ABCC1: variants seen among roughly 807,000 people sequenced by gnomAD.
The protein encoded by ABCC1 is multidrug resistance-associated protein 1.
ABCC1 carries 83 observed loss-of-function variants against 172.9 expected under a neutral mutation model. The ratio of observed to expected loss-of-function variants is 0.48; its 90% confidence interval spans 0.40 to 0.58. ABCC1 has a LOEUF of 0.58. Among genes scored for constraint, ABCC1 ranks in the 20% least tolerant of loss-of-function variants. ABCC1 has a pLI of 0.00. For missense variants in ABCC1, 1,817 were observed against 2,002.7 expected (o/e 0.91, Z 1.77); for synonymous variants, 937 against 825.2 (o/e 1.14, Z -2.32).
intron 10 of ABCC1, among the ~76,000 whole-genome samples, chr16:16,048,550 G>T (rs1415175152): frequency 6.6e-6 from 1 of 152,174 alleles, no homozygotes; most frequent in Non-Finnish European, 1.5e-5. Flanking sequence ...GACAGTGTCA[G>T]TAATTAACTA....
At chr16:16,110,030 G>A (rs998718628) in intron 21 of ABCC1, among the ~76,000 whole-genome samples, 5 of 151,880 alleles carry the variant, frequency 3.3e-5, no homozygotes, top group African/African-American at 1.2e-4. Context: ...GATGCACTGT[G>A]TTCCCTCCTA....
rs10673887 is a variant in ABCC1 at position 16,124,377 on chromosome 16, CTGTG to C, written c.3591-382_3591-379del. 4.9e-3 allele frequency among the ~76,000 whole-genome samples: 221 copies of C among 44,838 alleles called. 2 individuals are homozygous for C. The highest frequency in any genetic ancestry group is 0.019 in the South Asian group (22 of 1,166). 29.4% of individuals were successfully genotyped at this position (44,838 alleles called of 152,430 possible). On this transcript the variant is annotated intron_variant, in intron 24 of 30. Transcript: ENST00000399410. ...TATAGGAGTGACCCACTACGCCCGG[CTGTG>C]TGTGTGTGTGTGTGTGTGTGTGTGT...
Position 15,991,875 on chromosome 16 carries a change from G to T in ABCC1, c.49-15941G>T, listed in dbSNP as rs568874629. ...ATCTCCCCTAGGATCTTCTCCTAGG[G>T]TCTCTTAATACAGGGGTCCCCAATC... On this transcript the variant is annotated intron_variant, in intron 1 of 30. Coordinates refer to ENST00000399410, the MANE Select transcript of ABCC1 (RefSeq NM_004996.4). 4.3e-4 allele frequency among the ~76,000 whole-genome samples: 66 copies of T among 152,156 alleles called. 3 individuals carry two copies. The South Asian group carries it at 0.013, about 30-fold the overall frequency.
chr16:16,061,486 G>A (rs2049909541), intron 12 of ABCC1, among the ~76,000 whole-genome samples: 1 of 152,148 alleles, frequency 6.6e-6, no homozygotes. Flanking sequence ...ATAGAAAATG[G>A]CTCCAGGCAT....
intron 6 of ABCC1, 114 bp downstream of exon 6, chr16:16,033,284 TG>T: frequency 9.5e-7 from 1 of 1,055,204 alleles, no homozygotes; most frequent in Non-Finnish European, 1.4e-6. Context: ...TTTGCTCTTC[TG>T]CAGAGTTGTC....
chr16:16,100,665 C>T (rs970423769), intron 19 of ABCC1, among the ~76,000 whole-genome samples: 2 of 152,330 alleles, frequency 1.3e-5, no homozygotes, highest in Non-Finnish European at 2.9e-5. Flanking sequence ...CTGGCTGTGC[C>T]TAGAATTCTC....
intron 28 of ABCC1, 110 bp from the exon 29 acceptor site, chr16:16,136,368 G>A (rs1257352822): frequency 4.2e-6 from 5 of 1,202,736 alleles, no homozygotes; most frequent in African/African-American, 3.1e-5. Context: ...ATTCCAAGGA[G>A]CTCTGATACC....
At chr16:15,971,298 A>G (rs553307955) in intron 1 of ABCC1, among the ~76,000 whole-genome samples, 48 of 152,238 alleles carry the variant, frequency 3.2e-4, no homozygotes, top group African/African-American at 8.7e-4. Context: ...TGATCTGCAC[A>G]CTTGGGGAGG....
At chr16:16,064,262 G>GCGAA (rs1181163848) in intron 12 of ABCC1, among the ~76,000 whole-genome samples, 1 of 152,124 alleles carries the variant, frequency 6.6e-6, no homozygotes, top group Non-Finnish European at 1.5e-5. Context: ...CTATTACAAG[G>GCGAA]CGAACTCCAG....
At chr16:16,082,998 G>A (rs1010216380) in intron 16 of ABCC1, among the ~76,000 whole-genome samples, 33 of 152,144 alleles carry the variant, frequency 2.2e-4, no homozygotes, top group African/African-American at 3.1e-4. Context: ...TGCGTCCACC[G>A]TAACTGTAAT....
At chr16:15,979,269 G>A (rs2046563474) in intron 1 of ABCC1, among the ~76,000 whole-genome samples, 2 of 151,774 alleles carry the variant, frequency 1.3e-5, no homozygotes, top group South Asian at 4.1e-4. Flanking sequence ...CCAGCCTGGA[G>A]ACAGAGCAAG....
intron 12 of ABCC1, among the ~76,000 whole-genome samples, chr16:16,058,188 G>C (rs1181335142): frequency 6.6e-6 from 1 of 152,148 alleles, no homozygotes; most frequent in Non-Finnish European, 1.5e-5. Flanking sequence ...CCGCAAATCA[G>C]GAGACCATAC....
At chr16:16,115,267 A>G (rs942722066) in intron 23 of ABCC1, among the ~76,000 whole-genome samples, 191 bp downstream of exon 23, 1 of 152,224 alleles carries the variant, frequency 6.6e-6, no homozygotes, top group African/African-American at 2.4e-5. Context: ...TTTTTGTGGA[A>G]TGCAGTTTTT....
At chr16:15,966,073 G>T (rs1480696794) in intron 1 of ABCC1, among the ~76,000 whole-genome samples, 3 of 152,006 alleles carry the variant, frequency 2.0e-5, no homozygotes, top group Admixed American at 6.6e-5. Flanking sequence ...AGGGTCTAAG[G>T]TTACTTACTG....
At chr16:16,106,588 A>C in intron 20 of ABCC1, 150 bp from the exon 21 acceptor site, 1 of 829,050 alleles carries the variant, frequency 1.2e-6, no homozygotes, top group Non-Finnish European at 1.8e-6. Context: ...TGTGGTGCAT[A>C]TATTCATATA....
At chr16:16,037,661 G>C (rs1386670268) in intron 7 of ABCC1, among the ~76,000 whole-genome samples, 1 of 152,172 alleles carries the variant, frequency 6.6e-6, no homozygotes, top group Non-Finnish European at 1.5e-5. Flanking sequence ...ATAAACTGTG[G>C]TGGGGCCAGT....
At chr16:16,006,901 C>CGGT (rs1567306042) in intron 1 of ABCC1, among the ~76,000 whole-genome samples, 1 of 100,592 alleles carries the variant, frequency 9.9e-6, no homozygotes, top group Admixed American at 1.1e-4. Flanking sequence ...GTGATGGTGG[C>CGGT]GATGGTGATG....
At chr16:16,126,833 A>C (rs13332486) in intron 26 of ABCC1, among the ~76,000 whole-genome samples, 3 of 152,200 alleles carry the variant, frequency 2.0e-5, no homozygotes, top group Non-Finnish European at 4.4e-5. Context: ...GAATGAGTAC[A>C]TGCATACTAC....
chr16:15,992,581 A>G (rs1213888948), intron 1 of ABCC1, among the ~76,000 whole-genome samples: 1 of 152,104 alleles, frequency 6.6e-6, no homozygotes, highest in African/African-American at 2.4e-5. Context: ...TTGTATTTTT[A>G]GTAGAGACGG....
Sources: gnomAD v4.1 joint callset for allele counts (sites outside exome capture counted in the v4.1 genomes callset) on GRCh38, gnomAD v4.1.1 for gene constraint, MANE v1.5 for transcripts, NCBI Gene and HGNC (gene_info 2026-07-23, HGNC 2026-07-21) for gene names.